Variants in OXNAD1 observed in about 807,000 individuals in gnomAD.
OXNAD1 encodes the protein oxidoreductase NAD binding domain containing 1.
Under a neutral mutation model 32.9 loss-of-function variants are expected in OXNAD1, and 34 were observed. The ratio of observed to expected loss-of-function variants is 1.03; its 90% CI spans 0.79 to 1.38. OXNAD1 has a LOEUF of 1.38. Among genes scored for constraint, OXNAD1 ranks in the 40% most tolerant of loss-of-function variants. OXNAD1 has a pLI of 0.00. For synonymous variants in OXNAD1, 134 were observed against 135.2 expected, an observed-to-expected ratio of 0.99 and a Z score of 0.06; for missense variants, 407 against 379.4, an observed-to-expected ratio of 1.07 and a Z score of -0.60.
intron 9 of OXNAD1, chr3:16,323,439 G>A: frequency 6.2e-7 from 1 of 1,612,458 alleles, no homozygotes; most frequent in Non-Finnish European, 8.5e-7. Context: ...CAATCTGCTT[G>A]GTGGATACAC....
intron 9 of OXNAD1, among the ~76,000 whole-genome samples, chr3:16,325,581 GTC>G (rs2069611470): frequency 2.0e-5 from 3 of 152,328 alleles, no homozygotes; most frequent in Admixed American, 2.0e-4. Flanking sequence ...TTGGGTTCAA[GTC>G]TTCAGGCCCC....
chr3:16,332,440 G>A (rs1413025939), intron 9 of OXNAD1, among the ~76,000 whole-genome samples: 2 of 147,462 alleles, frequency 1.4e-5, no homozygotes, highest in East Asian at 2.0e-4. Flanking sequence ...ACAGCATCTT[G>A]TTTTTGCTTC....
rs949756 is a variant in OXNAD1, at chr3:16,312,589, A to G, written c.*30+8997A>G. 0.31 allele frequency among the ~76,000 whole-genome samples: 47,782 copies of G among 152,096 alleles called. 8,332 individuals are homozygous for G. The highest frequency in any genetic ancestry group is 0.38 in the Non-Finnish European group (25,659 of 67,968). On this transcript the variant is annotated intron_variant, in intron 9 of 9. Transcript: ENST00000435829. The surrounding 1 kb of genome is among the most constrained non-coding windows in gnomAD (Gnocchi z 4.7). Reference sequence around the variant, plus strand: ...GTGCTCCCTGCAGCACAGTGCCCCTATGCCAGCTAGGAGCTCAGCTAGAGT... The same window carrying G: ...GTGCTCCCTGCAGCACAGTGCCCCTGTGCCAGCTAGGAGCTCAGCTAGAGT...
Position 16,303,799 on chromosome 3 carries a change from G to A in OXNAD1, c.*237G>A, listed in dbSNP as rs530637191. 1.3e-4 allele frequency: 45 copies of A among 351,978 alleles called. No homozygotes were observed. The South Asian group carries it at 2.1e-3, about 16-fold the overall frequency. The allele number at this position is 351,978 out of a possible 1,614,324, so 21.8% of individuals were successfully genotyped here. ...ATACTGATTTTCTGTTATTAACAAC[G>A]ATTTAATTGTCTCATGATGTACCAT... On this transcript the variant is annotated 3_prime_UTR_variant, in exon 9 of 9. Coordinates refer to ENST00000285083, the MANE Select transcript of OXNAD1 (RefSeq NM_138381.5). The surrounding 1 kb of genome is among the most constrained non-coding windows in gnomAD (Gnocchi z 4.8).
At chr3:16,350,414 A>C (rs1013473547), downstream of OXNAD1, 1 of 152,170 alleles carries the variant, frequency 6.6e-6, no homozygotes, top group Non-Finnish European at 1.5e-5. Flanking sequence ...GGGCATTTCA[A>C]ATTGTTAACA....
In OXNAD1 at chr3:16,302,516, C is replaced by CT; in HGVS notation, c.676-123dup. The CT allele has an allele frequency of 1.5e-6, 1 of 675,710 alleles. No individual in the cohort carries two copies. The highest frequency in any genetic ancestry group is 1.8e-5 in the South Asian group (1 of 54,856). The allele number at this position is 675,710 out of a possible 1,614,324, so 41.9% of individuals were successfully genotyped here. On this transcript the variant is annotated intron_variant, in intron 7 of 8. Transcript: ENST00000285083. This position sits in a 1 kb window ranked among gnomAD's most constrained non-coding sequence, Gnocchi z 4.2. ...CTGCTAGGCTGCAAACAATATCTCT[C>CT]TAAGTAGAGAGCGAGAGCGGCAGAC... is the stretch of plus-strand genomic sequence containing the variant.
At chr3:16,311,368 T>G (rs1232108858) in intron 9 of OXNAD1, among the ~76,000 whole-genome samples, 1 of 152,110 alleles carries the variant, frequency 6.6e-6, no homozygotes, top group Non-Finnish European at 1.5e-5. Flanking sequence ...ATTTTTGTAT[T>G]TTTAATAGAG....
Position 16,269,270 on chromosome 3 carries a change from T to TA in OXNAD1, c.-14_-13insA. 1.3e-6 allele frequency: 2 copies of TA among 1,535,350 alleles called. No individual in the cohort carries two copies. On this transcript the variant is annotated 5_prime_UTR_variant, in exon 2 of 9. It introduces an in-frame stop codon into an upstream open reading frame of the 5' UTR. Transcript: ENST00000285083. ...AATGACTCCTAAAATCTCGTGGACT[T>TA]CTAAGGTAAGTTTCAACTTCTTTCT...
At chr3:16,293,749 A>G (rs1038924600) in intron 5 of OXNAD1, among the ~76,000 whole-genome samples, 4 of 152,200 alleles carry the variant, frequency 2.6e-5, no homozygotes, top group Admixed American at 2.0e-4. Flanking sequence ...TTAGGGGGGA[A>G]ACTTTCAGCA....
At chr3:16,283,649 C>T (rs73818362) in intron 4 of OXNAD1, among the ~76,000 whole-genome samples, 6,777 of 152,078 alleles carry the variant, frequency 0.045, 463 homozygotes, top group African/African-American at 0.15. Context: ...GAGTTGTCAG[C>T]AGAAGGTGGG....
chr3:16,319,494 A>G (rs1387795072), intron 9 of OXNAD1, among the ~76,000 whole-genome samples: 1 of 152,152 alleles, frequency 6.6e-6, no homozygotes, highest in Non-Finnish European at 1.5e-5. Context: ...CCCCATTCAT[A>G]TTGTATTTGA....
rs1453562824 is a variant in OXNAD1 at position 16,277,946 on chromosome 3, A to G, written c.183+6224A>G. On this transcript the variant is annotated intron_variant, in intron 4 of 8. Transcript: ENST00000285083. The surrounding 1 kb of genome is among the most constrained non-coding windows in gnomAD (Gnocchi z 4.3). ...CCCTAGAAATGTCAAGGAGATAAAGATAGAAATACTGTAATGCAGTAAAGA... is the reference window on the plus strand; with the variant it reads ...CCCTAGAAATGTCAAGGAGATAAAGGTAGAAATACTGTAATGCAGTAAAGA... Among the ~76,000 whole-genome samples, 2 of 152,230 alleles carry G rather than the reference A, an allele frequency of 1.3e-5. No individual in the cohort carries two copies. Among genetic ancestry groups the G allele is most frequent in the Admixed American group, 1.3e-4 (2 of 15,286 alleles).
At chr3:16,306,538 A>ATGTC (rs2125111082), downstream of OXNAD1, among the ~76,000 whole-genome samples, 1 of 98,406 alleles carries the variant, frequency 1.0e-5, no homozygotes, top group South Asian at 3.5e-4. Flanking sequence ...CATTAGGTTA[A>ATGTC]TGTCTTTTAT....
chr3:16,284,026 TA>T lies in OXNAD1; in HGVS notation c.184-2315del, dbSNP rs760642336. Among the ~76,000 whole-genome samples, 5 of 152,196 alleles carry T rather than the reference TA, an allele frequency of 3.3e-5. No homozygotes were observed. The highest frequency in any genetic ancestry group is 4.4e-5 in the Non-Finnish European group (3 of 68,038). On this transcript the variant is annotated intron_variant, in intron 4 of 8. Coordinates refer to ENST00000285083, the MANE Select transcript of OXNAD1 (RefSeq NM_138381.5). The surrounding 1 kb of genome is among the most constrained non-coding windows in gnomAD (Gnocchi z 4.1). ...AGGAAAAAGGGAAGATTCTGTGGGC[TA>T]TAGAAGAGCTGATTGTCTCAGTAGA...
rs1280080744 is a variant in OXNAD1 at position 16,290,830 on chromosome 3, G to A, written c.291-4026G>A. 2.0e-5 allele frequency among the ~76,000 whole-genome samples: 3 copies of A among 152,144 alleles called. No individual in the cohort carries two copies. The highest frequency in any genetic ancestry group is 4.4e-5 in the Non-Finnish European group (3 of 68,026). ...GACTGCAGGAGAATATTTTTTTAAGGTCATAGATCAGATTAGAGAACATCT... is the reference window on the plus strand; with the variant it reads ...GACTGCAGGAGAATATTTTTTTAAGATCATAGATCAGATTAGAGAACATCT... On this transcript the variant is annotated intron_variant, in intron 5 of 8. Coordinates refer to ENST00000285083, the MANE Select transcript of OXNAD1 (RefSeq NM_138381.5). This position sits in a 1 kb window ranked among gnomAD's most constrained non-coding sequence, Gnocchi z 4.2.
chr3:16,303,359 G>A lies in OXNAD1; in HGVS notation c.785-49G>A. 1 of 1,598,580 alleles carries A rather than the reference G, an allele frequency of 6.3e-7. No homozygotes were observed. The highest frequency in any genetic ancestry group is 1.1e-5 in the South Asian group (1 of 89,486). On this transcript the variant is annotated intron_variant, in intron 8 of 8. Coordinates refer to ENST00000285083, the MANE Select transcript of OXNAD1 (RefSeq NM_138381.5). This position sits in a 1 kb window ranked among gnomAD's most constrained non-coding sequence, Gnocchi z 4.8. ...TGTGGTTAGTCCTTCCTCATTTGCT[G>A]ATACAACCATGTCTGGCTTAATTTG...
rs923952371 is a variant in OXNAD1 at position 16,284,663 on chromosome 3, C to A, written c.184-1679C>A. On this transcript the variant is annotated intron_variant, in intron 4 of 8. Coordinates refer to ENST00000285083, the MANE Select transcript of OXNAD1 (RefSeq NM_138381.5). This position sits in a 1 kb window ranked among gnomAD's most constrained non-coding sequence, Gnocchi z 4.1. ...ATTAATGAGTTCTGTGGGCCAGCAG[C>A]ATTGTAAGTACTTTTGTCAGTATTA... Among the ~76,000 whole-genome samples the A allele has an allele frequency of 6.6e-6, 1 of 152,212 alleles. No individual in the cohort carries two copies. The highest frequency in any genetic ancestry group is 1.5e-5 in the Non-Finnish European group (1 of 68,038).
In OXNAD1 at chr3:16,312,201, A is replaced by G. The variant is rs1004845836; in HGVS notation, c.*30+8609A>G. Among the ~76,000 whole-genome samples, 47 of 152,306 alleles carry G rather than the reference A, an allele frequency of 3.1e-4. No homozygotes were observed. Among genetic ancestry groups the G allele is most frequent in the African/African-American group, 1.1e-3 (44 of 41,566 alleles). On this transcript the variant is annotated intron_variant, in intron 9 of 9. Coordinates refer to the OXNAD1 transcript ENST00000435829. This position sits in a 1 kb window ranked among gnomAD's most constrained non-coding sequence, Gnocchi z 4.7. The stretch of plus-strand genomic sequence containing the variant: ...AACAGCTGCCTCAGAAACCTAGCCA[A>G]AGGCTCATTGGGTCTTGTCCTTAGA...
Position 16,324,646 on chromosome 3 carries a change from T to TTGTGTGTGTGTGTGTG in OXNAD1, c.*31-12442_*31-12427dup, listed in dbSNP as rs71632869. ...CCTTTTAAGGTTGCATAGTATTCCATTGTGTGTGTGTGTGTGTGTGTGTGT... is the reference window on the plus strand; with the variant it reads ...CCTTTTAAGGTTGCATAGTATTCCATTGTGTGTGTGTGTGTGTGTGTGTGTGTGTGTGTGTGTGTGT... On this transcript the variant is annotated intron_variant, in intron 9 of 9. Coordinates refer to the OXNAD1 transcript ENST00000435829. Among the ~76,000 whole-genome samples, 538 of 100,374 alleles carry TTGTGTGTGTGTGTGTG rather than the reference T, an allele frequency of 5.4e-3. 2 individuals are homozygous for TTGTGTGTGTGTGTGTG. Among genetic ancestry groups the TTGTGTGTGTGTGTGTG allele is most frequent in the Non-Finnish European group, 7.0e-3 (365 of 52,508 alleles). 65.8% of individuals were successfully genotyped at this position (100,374 alleles called of 152,430 possible).
Sources: allele counts gnomAD v4.1 joint callset (sites outside exome capture counted in the v4.1 genomes callset), GRCh38; gene constraint gnomAD v4.1.1; non-coding constraint Gnocchi (gnomAD v3.1); transcripts MANE v1.5; gene names NCBI Gene and HGNC (gene_info 2026-07-23, HGNC 2026-07-21).